Variants in ABCB1 observed in about 807,000 individuals in gnomAD.
ABCB1 encodes ATP-dependent translocase ABCB1.
A neutral mutation model predicts 142.0 loss-of-function variants in ABCB1; 69 were observed. That is an observed-to-expected ratio of 0.49 (90% CI 0.40 to 0.59). The LOEUF (loss-of-function observed/expected upper bound fraction) is 0.59, where lower values mean the gene tolerates loss of function less well. Ranked by LOEUF, ABCB1 falls within the 20% of genes least tolerant of loss-of-function variation. The pLI, the probability that ABCB1 is intolerant of heterozygous loss-of-function variation, is 0.00. For synonymous variants in ABCB1, 532 were observed against 539.2 expected (o/e 0.99, Z 0.18); for missense variants, 1,326 against 1,554.7 (o/e 0.85, Z 2.47).
At chr7:87,515,760 T>C (rs990837086) in intron 24 of ABCB1, among the ~76,000 whole-genome samples, 4 of 134,722 alleles carry the variant, frequency 3.0e-5, no homozygotes, top group African/African-American at 1.0e-4. Flanking sequence ...CCAGCTAATC[T>C]TTTTTTTTTT....
rs200011110 is a variant in ABCB1, at chr7:87,539,234, A to G, written c.2397+34T>C. The G allele has an allele frequency of 4.4e-6, 7 of 1,605,278 alleles. No individual in the cohort carries two copies. The African/African-American group carries it at 9.4e-5, about 21-fold the overall frequency. ...CCAAGGGGCACACATGGGGAGTTCTACACATCCCAGGGCACAGCCCTCGAT... is the reference window on the plus strand; with the variant it reads ...CCAAGGGGCACACATGGGGAGTTCTGCACATCCCAGGGCACAGCCCTCGAT... On this transcript the variant is annotated intron_variant, in intron 19 of 27. Coordinates refer to ENST00000622132, the MANE Select transcript of ABCB1 (RefSeq NM_001348946.2).
chr7:87,685,624 A>C (rs1175003069), intron 1 of ABCB1, among the ~76,000 whole-genome samples: 1 of 152,228 alleles, frequency 6.6e-6, no homozygotes, highest in Non-Finnish European at 1.5e-5. Context: ...ATTCTAGGAA[A>C]GACCAAACTG....
At chr7:87,628,595 GTGTGTGTGT>G in intron 1 of ABCB1, 1 of 210,224 alleles carries the variant, frequency 4.8e-6, no homozygotes, top group Non-Finnish European at 9.0e-6. Context: ...GTGTGTGTGT[GTGTGTGTGT>G]GTGTGTGTGT....
intron 1 of ABCB1, among the ~76,000 whole-genome samples, chr7:87,613,181 G>T (rs1205669390): frequency 1.3e-5 from 2 of 149,848 alleles, no homozygotes; most frequent in Non-Finnish European, 3.0e-5. Flanking sequence ...GAGGCTTTAG[G>T]GTTTTCTAGG....
chr7:87,562,630 A>G (rs28381855), intron 7 of ABCB1, among the ~76,000 whole-genome samples: 4,604 of 152,274 alleles, frequency 0.03, 119 homozygotes, highest in African/African-American at 0.07. Flanking sequence ...TTATTAATAT[A>G]TCAAACACCA....
chr7:87,563,672 T>C (rs1036048611), intron 7 of ABCB1, among the ~76,000 whole-genome samples: 1 of 152,110 alleles, frequency 6.6e-6, no homozygotes, highest in African/African-American at 2.4e-5. Flanking sequence ...AAGCCATCTA[T>C]GACAAACTTA....
At chr7:87,556,999 G>A (rs1272070169) in intron 8 of ABCB1, among the ~76,000 whole-genome samples, 2 of 152,064 alleles carry the variant, frequency 1.3e-5, no homozygotes, top group African/African-American at 4.8e-5. Context: ...TTCCCACCAT[G>A]GCTTGCTTTT....
chr7:87,672,675 T>A (rs1472509417), intron 1 of ABCB1, among the ~76,000 whole-genome samples: 1 of 152,116 alleles, frequency 6.6e-6, no homozygotes, highest in Non-Finnish European at 1.5e-5. Flanking sequence ...TAGCTCTGTC[T>A]GTGAGACCGA....
intron 4 of ABCB1, among the ~76,000 whole-genome samples, chr7:87,577,679 A>T (rs1818330024): frequency 6.6e-6 from 1 of 152,210 alleles, no homozygotes; most frequent in Admixed American, 6.5e-5. Context: ...ATGATCAATG[A>T]TGTTGAGCAT....
intron 3 of ABCB1, among the ~76,000 whole-genome samples, chr7:87,594,731 G>A (rs1017722311): frequency 9.2e-5 from 14 of 152,170 alleles, no homozygotes; most frequent in African/African-American, 2.7e-4. Flanking sequence ...GTCATGGCAA[G>A]AGCAATGGTA....
At chr7:87,566,017 A>T (rs989661491) in intron 7 of ABCB1, 53 bp downstream of exon 7, 1 of 1,589,284 alleles carries the variant, frequency 6.3e-7, no homozygotes, top group Non-Finnish European at 8.6e-7. Context: ...GTAGGGTGAG[A>T]GCAGGAAGGG....
At chr7:87,541,335 T>C in intron 18 of ABCB1, 22 bp downstream of exon 18, 2 of 1,389,220 alleles carry the variant, frequency 1.4e-6, no homozygotes, top group Non-Finnish European at 2.0e-6. Flanking sequence ...AAAATGAATA[T>C]AGTGAAAATG....
intron 1 of ABCB1, among the ~76,000 whole-genome samples, chr7:87,693,516 A>T (rs1308564918): frequency 6.6e-6 from 1 of 152,118 alleles, no homozygotes; most frequent in African/African-American, 2.4e-5. Context: ...TTTTTTCCTA[A>T]CCAATCTTAT....
rs1814571294 is a variant in ABCB1, at chr7:87,503,333, C to CT, written c.*909dup. Among the ~76,000 whole-genome samples, 3 of 151,608 alleles carry CT rather than the reference C, an allele frequency of 2.0e-5. No individual in the cohort carries two copies. The highest frequency in any genetic ancestry group is 2.1e-4 in the South Asian group (1 of 4,824). On this transcript the variant is annotated 3_prime_UTR_variant, in exon 28 of 28. Transcript: ENST00000622132. ...CCCAACCTTTGGAATATATTTTTTT[C>CT]TTTTTTTATCATGTTTGTATCAAGA...
At chr7:87,624,868 CA>C (rs1436750385) in intron 1 of ABCB1, among the ~76,000 whole-genome samples, 1 of 152,032 alleles carries the variant, frequency 6.6e-6, no homozygotes, top group Admixed American at 6.5e-5. Context: ...CAAAACAAAA[CA>C]AAACAAAAAA....
chr7:87,655,345 TA>T (rs891464706), intron 1 of ABCB1, among the ~76,000 whole-genome samples: 8 of 151,070 alleles, frequency 5.3e-5, no homozygotes, highest in South Asian at 2.1e-4. Flanking sequence ...GATGAGTCGA[TA>T]AAAAAAAAGT....
At chr7:87,541,285 T>A in intron 18 of ABCB1, 72 bp downstream of exon 18, 1 of 1,034,696 alleles carries the variant, frequency 9.7e-7, no homozygotes, top group Non-Finnish European at 1.5e-6. Flanking sequence ...ATTACACTGA[T>A]GTTTATAAAT....
At chr7:87,690,091 A>G (rs1827873974) in intron 1 of ABCB1, among the ~76,000 whole-genome samples, 1 of 151,892 alleles carries the variant, frequency 6.6e-6, no homozygotes, top group African/African-American at 2.4e-5. Context: ...CCACCTCCTA[A>G]AGGGCCGGGA....
chr7:87,511,044 T>C (rs752158419), intron 25 of ABCB1, among the ~76,000 whole-genome samples: 3 of 152,160 alleles, frequency 2.0e-5, no homozygotes, highest in Non-Finnish European at 4.4e-5. Flanking sequence ...ACTAATATAA[T>C]CACAGGCAAA....
Sources: gnomAD v4.1 joint callset for allele counts (sites outside exome capture counted in the v4.1 genomes callset) on GRCh38, gnomAD v4.1.1 for gene constraint, MANE v1.5 for transcripts, NCBI Gene and HGNC (gene_info 2026-07-23, HGNC 2026-07-21) for gene names.